MLIP: variants seen among roughly 807,000 people sequenced by gnomAD.
The protein encoded by MLIP is muscular LMNA interacting protein.
Under a neutral mutation model 84.8 loss-of-function variants are expected in MLIP, and 79 were observed. The ratio of observed to expected loss-of-function variants is 0.93; its 90% CI spans 0.78 to 1.12. The LOEUF (loss-of-function observed/expected upper bound fraction) is 1.12. Among genes scored for constraint, MLIP ranks in the 50% most tolerant of loss-of-function variants. MLIP has a pLI of 0.00. For synonymous variants in MLIP, 504 were observed against 463.0 expected (o/e 1.09, Z -1.14); for missense variants, 1,257 against 1,160.6 (o/e 1.08, Z -1.21).
chr6:54,174,746 A>ACAT (rs1280255673), intron 9 of MLIP, among the ~76,000 whole-genome samples: 1 of 151,708 alleles, frequency 6.6e-6, no homozygotes, highest in East Asian at 1.9e-4. Context: ...AAGCTTTTTA[A>ACAT]CATGATGTGA....
intron 12 of MLIP, among the ~76,000 whole-genome samples, chr6:54,236,066 CATAT>C (rs1230425264): frequency 6.6e-5 from 10 of 152,192 alleles, no homozygotes; most frequent in Non-Finnish European, 1.2e-4. Flanking sequence ...GGATGCCCTA[CATAT>C]CTTTCTCTGT....
chr6:54,157,567 T>C (rs1442298849), intron 5 of MLIP, among the ~76,000 whole-genome samples: 2 of 152,092 alleles, frequency 1.3e-5, no homozygotes, highest in African/African-American at 4.8e-5. Context: ...CTGCATGTTT[T>C]GTGGCATCCC....
chr6:54,177,425 C>G (rs773866862), intron 9 of MLIP, among the ~76,000 whole-genome samples: 11 of 151,856 alleles, frequency 7.2e-5, no homozygotes, highest in Non-Finnish European at 1.3e-4. Flanking sequence ...ATTTAGGCAG[C>G]CAAGAAACAT....
chr6:54,029,855 G>A (rs945173596), intron 1 of MLIP, among the ~76,000 whole-genome samples: 1 of 152,170 alleles, frequency 6.6e-6, no homozygotes, highest in South Asian at 2.1e-4. Flanking sequence ...GGGATGCGGT[G>A]GTAAGAATCA....
intron 1 of MLIP, among the ~76,000 whole-genome samples, chr6:54,077,419 T>G (rs1160444791): frequency 4.0e-5 from 6 of 151,630 alleles, no homozygotes. Flanking sequence ...TCTGTGAATC[T>G]TAGTTGCAGA....
At chr6:54,240,891 G>A (rs1159390204) in intron 12 of MLIP, among the ~76,000 whole-genome samples, 3 of 152,062 alleles carry the variant, frequency 2.0e-5, no homozygotes, top group Non-Finnish European at 4.4e-5. Flanking sequence ...CGGGAGAATC[G>A]CTTGAACCCA....
chr6:54,197,722 T>C (rs182410561), intron 10 of MLIP, among the ~76,000 whole-genome samples: 35 of 152,212 alleles, frequency 2.3e-4, no homozygotes, highest in African/African-American at 7.7e-4. Flanking sequence ...CTGACTATTC[T>C]ATGGATTCTA....
intron 12 of MLIP, among the ~76,000 whole-genome samples, chr6:54,231,817 T>C (rs1474126299): frequency 6.6e-6 from 1 of 152,158 alleles, no homozygotes; most frequent in Non-Finnish European, 1.5e-5. Flanking sequence ...AGAATGTAGT[T>C]GGATAATACT....
intron 11 of MLIP, among the ~76,000 whole-genome samples, chr6:54,225,672 A>G: frequency 6.6e-6 from 1 of 152,224 alleles, no homozygotes; most frequent in East Asian, 1.9e-4. Flanking sequence ...AGAACATTAA[A>G]GAGTGCTGTG....
At chr6:54,099,853 CT>C (rs1283414276) in intron 1 of MLIP, among the ~76,000 whole-genome samples, 1 of 151,994 alleles carries the variant, frequency 6.6e-6, no homozygotes, top group African/African-American at 2.4e-5. Context: ...GAGAATACAG[CT>C]TCATTTTATG....
intron 1 of MLIP, among the ~76,000 whole-genome samples, chr6:54,073,902 C>T (rs1250588693): frequency 1.3e-5 from 2 of 152,166 alleles, no homozygotes; most frequent in Non-Finnish European, 2.9e-5. Context: ...TACTTATTTT[C>T]AAGGCTTATC....
intron 1 of MLIP, among the ~76,000 whole-genome samples, chr6:54,083,966 T>G (rs1464970438): frequency 6.6e-6 from 1 of 152,218 alleles, no homozygotes; most frequent in African/African-American, 2.4e-5. Context: ...AGATTATATA[T>G]TTTTTAATTT....
At chr6:54,169,800 T>G (rs189861618) in intron 9 of MLIP, among the ~76,000 whole-genome samples, 1 of 151,836 alleles carries the variant, frequency 6.6e-6, no homozygotes, top group Admixed American at 6.6e-5. Flanking sequence ...TGGATTAGTT[T>G]AGCTAAATAG....
chr6:54,121,705 A>T (rs2145754), intron 2 of MLIP, 103 bp downstream of exon 2: 530,202 of 840,586 alleles, frequency 0.63, 169,676 homozygotes, highest in South Asian at 0.71. Context: ...AATTAAGGTG[A>T]CTGTGACTCT....
Position 54,160,574 on chromosome 6 carries a change from AGGTCTTAC to A in MLIP, c.2415_2422del (p.Val806GlyfsTer9). 2.5e-6 allele frequency: 4 copies of A among 1,611,802 alleles called. No homozygotes were observed. The highest frequency in any genetic ancestry group is 3.4e-6 in the Non-Finnish European group (4 of 1,178,556). On this transcript the variant is annotated frameshift_variant, in exon 7 of 14. Transcript: ENST00000502396. LOFTEE classifies it high-confidence loss of function. ...GAAGAGCTCTGTGCTACCATTGATAAGGTCTTACAGGATTCCTTGTCTATGGTAATGCT... is the reference window on the plus strand; with the variant it reads ...GAAGAGCTCTGTGCTACCATTGATAAAGGATTCCTTGTCTATGGTAATGCT...
At chr6:54,113,888 T>C (rs1769686109) in intron 1 of MLIP, among the ~76,000 whole-genome samples, 1 of 152,206 alleles carries the variant, frequency 6.6e-6, no homozygotes, top group Non-Finnish European at 1.5e-5. Context: ...AATCATTTGC[T>C]CTACTCTCAC....
Position 54,083,467 on chromosome 6 carries a change from A to G in MLIP, c.64-37980A>G, listed in dbSNP as rs528035721. 7 of 1,528,770 alleles carry G rather than the reference A, an allele frequency of 4.6e-6. No individual in the cohort carries two copies. In the South Asian group the frequency reaches 7.2e-5, roughly 16 times the overall value. 94.7% of individuals were successfully genotyped at this position (1,528,770 alleles called of 1,614,324 possible). A position where few individuals can be genotyped will look rare whatever the true frequency, so the allele number is the denominator to read the frequency against. ...TTTGTCATCTTTGCAGCTCATCAAT[A>G]TCAGCAGCTGACACAGGCAAGTGTT... On this transcript the variant is annotated intron_variant, in intron 1 of 12. Coordinates refer to the MLIP transcript ENST00000274897.
rs151289665 is a variant in MLIP, at chr6:54,143,122, T to C, written c.2217+4836T>C. ...CCTGTGCTTCTCTCCAGCTAGCCTC[T>C]CTGAATTGATCCTAGTAACGGTTCG... On this transcript the variant is annotated intron_variant, in intron 4 of 13. Coordinates refer to ENST00000502396, the MANE Select transcript of MLIP (RefSeq NM_001281747.2). 2.0e-3 allele frequency among the ~76,000 whole-genome samples: 309 copies of C among 152,200 alleles called. 3 individuals are homozygous for C. Among genetic ancestry groups the C allele is most frequent in the South Asian group, 0.019 (92 of 4,824 alleles).
chr6:54,207,859 T>C (rs1050624187), intron 11 of MLIP, among the ~76,000 whole-genome samples: 3 of 152,150 alleles, frequency 2.0e-5, no homozygotes, highest in Non-Finnish European at 4.4e-5. Flanking sequence ...AGTTTAAAAA[T>C]AGGTCTTTGT....
Sources: allele counts gnomAD v4.1 joint callset (sites outside exome capture counted in the v4.1 genomes callset), GRCh38; gene constraint gnomAD v4.1.1; transcripts MANE v1.5; gene names NCBI Gene and HGNC (gene_info 2026-07-23, HGNC 2026-07-21).